Variants in KREMEN1 observed in about 807,000 individuals in gnomAD.
KREMEN1 encodes the protein kringle containing transmembrane protein 1, also known as kremen protein 1.
Under a neutral mutation model 46.5 loss-of-function variants are expected in KREMEN1, and 30 were observed. The observed-to-expected ratio is 0.65, with a 90% CI of 0.48 to 0.88. The LOEUF (loss-of-function observed/expected upper bound fraction) is 0.88, where lower values mean the gene tolerates loss of function less well. KREMEN1 is among the 40% of genes least tolerant of loss of function. KREMEN1 has a pLI of 0.00. For synonymous variants in KREMEN1, 214 were observed against 230.6 expected, an observed-to-expected ratio of 0.93 and a Z score of 0.65; for missense variants, 533 against 596.9, an observed-to-expected ratio of 0.89 and a Z score of 1.11.
intron 5 of KREMEN1, among the ~76,000 whole-genome samples, chr22:29,131,523 C>CATATATATATATAT (rs148738725): frequency 1.5e-4 from 14 of 93,724 alleles, no homozygotes; most frequent in African/African-American, 9.8e-4. Flanking sequence ...GTATTCTGTT[C>CATATATATATATAT]ATATATATAT....
rs918525541 is a variant in KREMEN1 at position 29,099,012 on chromosome 22, G to C, written c.352+59G>C. 3.1e-6 allele frequency: 4 copies of C among 1,303,548 alleles called. No homozygotes were observed. In the African/African-American group the frequency reaches 4.4e-5, roughly 14 times the overall value. 80.7% of individuals were successfully genotyped at this position (1,303,548 alleles called of 1,614,324 possible). A position where few individuals can be genotyped will look rare whatever the true frequency, so the allele number is the denominator to read the frequency against. ...GGACTGTGAACACTAAGAGTGCGTA[G>C]AGGGAGGCCCCTGCCAGAGGTCAGG... On this transcript the variant is annotated intron_variant, in intron 3 of 8. Coordinates refer to ENST00000400335, the MANE Select transcript of KREMEN1 (RefSeq NM_001039570.3).
intron 9 of KREMEN1, among the ~76,000 whole-genome samples, chr22:29,161,234 G>T (rs542347817): frequency 6.6e-6 from 1 of 152,146 alleles, no homozygotes; most frequent in East Asian, 1.9e-4. Flanking sequence ...CTGGCCAGGC[G>T]TGGTGGCTCA....
intron 4 of KREMEN1, among the ~76,000 whole-genome samples, chr22:29,122,311 A>C (rs909703972): frequency 3.3e-5 from 5 of 152,224 alleles, no homozygotes; most frequent in Non-Finnish European, 7.3e-5. Context: ...TGAAAATACT[A>C]AGAATTGATA....
Position 29,146,761 on chromosome 22 carries a change from G to T in KREMEN1, c.*4649G>T. On this transcript the variant is annotated 3_prime_UTR_variant, in exon 9 of 9. Transcript: ENST00000400335. ...GGAATGTAATGGTACTTTTACAAAC[G>T]AGAAAAAATGTTATTTTTACTTTCT... 1 of 951,232 alleles carries T rather than the reference G, an allele frequency of 1.1e-6. No homozygotes were observed. Among genetic ancestry groups the T allele is most frequent in the Non-Finnish European group, 1.3e-6 (1 of 798,600 alleles). 58.9% of individuals were successfully genotyped at this position (951,232 alleles called of 1,614,324 possible).
chr22:29,134,643 G>A (rs1294686219), intron 5 of KREMEN1, among the ~76,000 whole-genome samples: 4 of 152,166 alleles, frequency 2.6e-5, no homozygotes, highest in African/African-American at 9.7e-5. Flanking sequence ...AACACTAGGG[G>A]CTGAGATAGT....
intron 5 of KREMEN1, among the ~76,000 whole-genome samples, chr22:29,131,552 ATATATATATGTGTGTGTGTGTGTGTGTG>A (rs2038537975): frequency 1.5e-5 from 1 of 67,004 alleles, no homozygotes; most frequent in African/African-American, 6.3e-5. Flanking sequence ...ATATATATAT[ATATATATATGTGTGTGTGTGTGTGTGTG>A]TGTGTGTGTG....
chr22:29,098,636 C>G (rs2294242), intron 2 of KREMEN1, among the ~76,000 whole-genome samples: 15,532 of 152,206 alleles, frequency 0.1, 1,133 homozygotes, highest in East Asian at 0.32. Context: ...CATATATTAC[C>G]TTTACTCACT....
rs557561553 is a variant in KREMEN1, at chr22:29,145,543, T to C, written c.*3431T>C. On this transcript the variant is annotated 3_prime_UTR_variant, in exon 9 of 9. Transcript: ENST00000400335. ...ATCTTGTCACTCTCCGTGGTGACAG[T>C]GTCTTGGCCAGCTGTGGCCCCTAGT... The C allele has an allele frequency of 8.1e-6, 8 of 985,470 alleles. No individual in the cohort carries two copies. Among genetic ancestry groups the C allele is most frequent in the Admixed American group, 6.1e-5 (1 of 16,292 alleles). 61.0% of individuals were successfully genotyped at this position (985,470 alleles called of 1,614,324 possible). A position where few individuals can be genotyped will look rare whatever the true frequency, so the allele number is the denominator to read the frequency against.
At chr22:29,129,869 C>A (rs2145829167) in intron 5 of KREMEN1, among the ~76,000 whole-genome samples, 1 of 152,282 alleles carries the variant, frequency 6.6e-6, no homozygotes, top group East Asian at 1.9e-4. Flanking sequence ...TGTGGGCAAG[C>A]ACAACACTGA....
rs529996016 is a variant in KREMEN1 at position 29,095,785 on chromosome 22, A to G, written c.260+1365A>G. 6.6e-5 allele frequency among the ~76,000 whole-genome samples: 10 copies of G among 151,772 alleles called. No individual in the cohort carries two copies. In the South Asian group the frequency reaches 2.1e-3, roughly 32 times the overall value. ...TAGTCTATGTTTTCTTTATCCCTAT[A>G]CCTTTCTCTATCTTGTATCAACTGA... On this transcript the variant is annotated intron_variant, in intron 2 of 8. Coordinates refer to ENST00000400335, the MANE Select transcript of KREMEN1 (RefSeq NM_001039570.3).
At chr22:29,089,975 C>T (rs575017233) in intron 1 of KREMEN1, among the ~76,000 whole-genome samples, 1 of 152,350 alleles carries the variant, frequency 6.6e-6, no homozygotes, top group African/African-American at 2.4e-5. Context: ...ACTCCCTTTA[C>T]TCTGCTTCAT....
intron 9 of KREMEN1, among the ~76,000 whole-genome samples, chr22:29,166,223 C>G (rs2039051652): frequency 6.7e-6 from 1 of 149,100 alleles, no homozygotes; most frequent in African/African-American, 2.5e-5. Flanking sequence ...GACCAGATGG[C>G]TCTTTTTTTT....
chr22:29,086,897 CCACCA>C (rs922722580), intron 1 of KREMEN1, among the ~76,000 whole-genome samples: 3 of 152,010 alleles, frequency 2.0e-5, no homozygotes, highest in Non-Finnish European at 4.4e-5. Context: ...CAAGCACACA[CCACCA>C]CACCCAGCAA....
At chr22:29,133,234 C>T (rs150840798) in intron 5 of KREMEN1, among the ~76,000 whole-genome samples, 4,644 of 128,856 alleles carry the variant, frequency 0.036, 245 homozygotes, top group African/African-American at 0.13. Context: ...GGCAACAGAG[C>T]GAGACTCCAT....
intron 3 of KREMEN1, among the ~76,000 whole-genome samples, chr22:29,118,660 C>G (rs2038282437): frequency 6.6e-6 from 1 of 152,112 alleles, no homozygotes; most frequent in African/African-American, 2.4e-5. Context: ...CCATCATAAT[C>G]TCATCTAAAC....
At chr22:29,087,724 C>G (rs1569313473) in intron 1 of KREMEN1, among the ~76,000 whole-genome samples, 1 of 152,158 alleles carries the variant, frequency 6.6e-6, no homozygotes, top group Non-Finnish European at 1.5e-5. Context: ...CACCAACATG[C>G]TCGGCTAATT....
At chr22:29,100,859 G>C (rs2037964571) in intron 3 of KREMEN1, among the ~76,000 whole-genome samples, 1 of 152,148 alleles carries the variant, frequency 6.6e-6, no homozygotes, top group African/African-American at 2.4e-5. Context: ...GTGTGGCCTA[G>C]GTTATTGTGT....
At chr22:29,079,770 C>T (rs2037626617) in intron 1 of KREMEN1, among the ~76,000 whole-genome samples, 1 of 152,210 alleles carries the variant, frequency 6.6e-6, no homozygotes. Context: ...TCCAAACAGA[C>T]ATATTAGATG....
At chr22:29,121,814 C>T (rs1382975028) in intron 4 of KREMEN1, among the ~76,000 whole-genome samples, 1 of 152,148 alleles carries the variant, frequency 6.6e-6, no homozygotes, top group Non-Finnish European at 1.5e-5. Context: ...TACACTGAAA[C>T]AGTGAATGTT....
Sources: allele counts gnomAD v4.1 joint callset (sites outside exome capture counted in the v4.1 genomes callset), GRCh38; gene constraint gnomAD v4.1.1; transcripts MANE v1.5; gene names NCBI Gene and HGNC (gene_info 2026-07-23, HGNC 2026-07-21).